Variants in KCNQ1 observed in about 807,000 individuals in gnomAD.
The protein encoded by KCNQ1 is potassium voltage-gated channel subfamily KQT member 1.
KCNQ1 carries 49 observed loss-of-function variants against 72.4 expected under a neutral mutation model. The ratio of observed to expected loss-of-function variants is 0.68; its 90% CI spans 0.54 to 0.86. The LOEUF (loss-of-function observed/expected upper bound fraction) is 0.86, where lower values mean the gene tolerates loss of function less well. Among genes scored for constraint, KCNQ1 ranks in the 40% least tolerant of loss-of-function variants. KCNQ1 has a pLI of 0.00. For missense variants in KCNQ1, 790 were observed against 945.1 expected (o/e 0.84, Z 2.15); for synonymous variants, 450 against 412.6 (o/e 1.09, Z -1.10).
chr11:2,628,919 G>T, intron 10 of KCNQ1: 1 of 398,216 alleles, frequency 2.5e-6, no homozygotes. Flanking sequence ...AAGATTAGTT[G>T]ACCATAAATG....
chr11:2,491,094 AC>A lies in KCNQ1; in HGVS notation c.387-36831del, dbSNP rs1319201751. On this transcript the variant is annotated intron_variant, in intron 1 of 15. Coordinates refer to ENST00000155840, the MANE Select transcript of KCNQ1 (RefSeq NM_000218.3). This position sits in a 1 kb window ranked among gnomAD's most constrained non-coding sequence, Gnocchi z 4.1. ...ATGCAGATACGGCTTAGATCACAACACCCAAGTCCCTTTGAATACCTGGAAA... is the reference window on the plus strand; with the variant it reads ...ATGCAGATACGGCTTAGATCACAACACCAAGTCCCTTTGAATACCTGGAAA... Among the ~76,000 whole-genome samples the A allele has an allele frequency of 2.0e-5, 3 of 152,210 alleles. No individual in the cohort carries two copies. Among genetic ancestry groups the A allele is most frequent in the Non-Finnish European group, 4.4e-5 (3 of 68,038 alleles).
In KCNQ1 at chr11:2,748,255, C is replaced by T. The variant is rs1336503722; in HGVS notation, c.1515-20589C>T. 6.6e-6 allele frequency among the ~76,000 whole-genome samples: 1 copy of T among 152,156 alleles called. No individual in the cohort carries two copies. Among genetic ancestry groups the T allele is most frequent in the Non-Finnish European group, 1.5e-5 (1 of 68,016 alleles). Reference sequence around the variant, plus strand: ...GGGCGAGGGAGAAGCAAGTTCCCCTCAGGAATGCTGGTGAAGCTGGCATGC... The same window carrying T: ...GGGCGAGGGAGAAGCAAGTTCCCCTTAGGAATGCTGGTGAAGCTGGCATGC... On this transcript the variant is annotated intron_variant, in intron 11 of 15. Coordinates refer to ENST00000155840, the MANE Select transcript of KCNQ1 (RefSeq NM_000218.3). This position sits in a 1 kb window ranked among gnomAD's most constrained non-coding sequence, Gnocchi z 6.2.
intron 2 of KCNQ1, among the ~76,000 whole-genome samples, chr11:2,568,423 G>A (rs1848277948): frequency 6.6e-6 from 1 of 152,220 alleles, no homozygotes; most frequent in Admixed American, 6.5e-5. Flanking sequence ...AGTCGGGTGA[G>A]CCGGCCTCTG....
chr11:2,778,056 C>T lies in KCNQ1; in HGVS notation c.1794+19C>T. 6.2e-7 allele frequency: 1 copy of T among 1,612,698 alleles called. No individual in the cohort carries two copies. ...AGACAAGGTAGGCTCACGCGCCGGCCTGCGGTGGTTCTGGTTAGCGTCCTG... is the reference window on the plus strand; with the variant it reads ...AGACAAGGTAGGCTCACGCGCCGGCTTGCGGTGGTTCTGGTTAGCGTCCTG... On this transcript the variant is annotated intron_variant, in intron 15 of 15. Transcript: ENST00000155840.
rs183043842 is a variant in KCNQ1, at chr11:2,752,543, C to G, written c.1515-16301C>G. On this transcript the variant is annotated intron_variant, in intron 11 of 15. Transcript: ENST00000155840. This position sits in a 1 kb window ranked among gnomAD's most constrained non-coding sequence, Gnocchi z 5.2. Reference sequence around the variant, plus strand: ...GCACAGGGTCAGGGCGCCAGCAGATCTGGTGTCTGGTAAGGGGTCTGTCTG... The same window carrying G: ...GCACAGGGTCAGGGCGCCAGCAGATGTGGTGTCTGGTAAGGGGTCTGTCTG... 2.5e-3 allele frequency among the ~76,000 whole-genome samples: 376 copies of G among 152,222 alleles called. No homozygotes were observed. The highest frequency in any genetic ancestry group is 0.017 in the Middle Eastern group (5 of 294).
chr11:2,541,770 C>A lies in KCNQ1; in HGVS notation c.477+13752C>A, dbSNP rs567462125. Among the ~76,000 whole-genome samples the A allele has an allele frequency of 6.6e-6, 1 of 151,200 alleles. No homozygotes were observed. Among genetic ancestry groups the A allele is most frequent in the Non-Finnish European group, 1.5e-5 (1 of 67,912 alleles). On this transcript the variant is annotated intron_variant, in intron 2 of 15. Transcript: ENST00000155840. This position sits in a 1 kb window ranked among gnomAD's most constrained non-coding sequence, Gnocchi z 4.8. Reference sequence around the variant, plus strand: ...TAGGAGTTCTAGAACCTTTGGAAAACCCCCTCTCATCCCGGGAGTTTGTAA... The same window carrying A: ...TAGGAGTTCTAGAACCTTTGGAAAAACCCCTCTCATCCCGGGAGTTTGTAA...
In KCNQ1 at chr11:2,674,672, GA is replaced by G. The variant is rs1047050671; in HGVS notation, c.1514+12595del. 1.5e-5 allele frequency: 6 copies of G among 398,350 alleles called. No homozygotes were observed. The highest frequency in any genetic ancestry group is 1.2e-4 in the African/African-American group (6 of 48,564). 24.7% of individuals were successfully genotyped at this position (398,350 alleles called of 1,614,324 possible). A position where few individuals can be genotyped will look rare whatever the true frequency, so the allele number is the denominator to read the frequency against. The stretch of plus-strand genomic sequence containing the variant: ...GCCAGAACTTTTTGCAAAATAATTT[GA>G]AAAGTTTGTTGAACCTTAAACCTTT... On this transcript the variant is annotated intron_variant, in intron 11 of 15. Transcript: ENST00000155840. The surrounding 1 kb of genome is among the most constrained non-coding windows in gnomAD (Gnocchi z 5.9).
At chr11:2,643,442 C>G (rs1049196526) in intron 10 of KCNQ1, 2 of 398,148 alleles carry the variant, frequency 5.0e-6, no homozygotes, top group East Asian at 7.1e-5. Flanking sequence ...TTTAGCTTAA[C>G]CTTTGTTTTA....
rs1179927269 is a variant in KCNQ1 at position 2,563,666 on chromosome 11, G to GC, written c.478-6956dup. 6.6e-6 allele frequency among the ~76,000 whole-genome samples: 1 copy of GC among 152,294 alleles called. No individual in the cohort carries two copies. The highest frequency in any genetic ancestry group is 1.9e-4 in the East Asian group (1 of 5,184). ...TTAGGGTGTCCCGTTGGCATCCAGG[G>GC]CCCCCCGTGAAGGATGGCACCGAGC... On this transcript the variant is annotated intron_variant, in intron 2 of 15. Transcript: ENST00000155840. This position sits in a 1 kb window ranked among gnomAD's most constrained non-coding sequence, Gnocchi z 7.4.
chr11:2,773,192 C>T (rs1424535038), intron 12 of KCNQ1, among the ~76,000 whole-genome samples: 7 of 152,022 alleles, frequency 4.6e-5, no homozygotes, highest in Non-Finnish European at 8.8e-5. Context: ...AACAACCCGT[C>T]CTACAGAAAG....
chr11:2,550,699 G>A lies in KCNQ1; in HGVS notation c.478-19929G>A, dbSNP rs938963144. Among the ~76,000 whole-genome samples the A allele has an allele frequency of 7.2e-5, 11 of 152,190 alleles. No individual in the cohort carries two copies. Among genetic ancestry groups the A allele is most frequent in the Non-Finnish European group, 1.2e-4 (8 of 68,026 alleles). On this transcript the variant is annotated intron_variant, in intron 2 of 15. Coordinates refer to ENST00000155840, the MANE Select transcript of KCNQ1 (RefSeq NM_000218.3). The surrounding 1 kb of genome is among the most constrained non-coding windows in gnomAD (Gnocchi z 6.0). ...TGGTGTCCCGGCTGATGTAGGGTCA[G>A]GGGCTTCTGGAAGGAGCCTCACAGG...
intron 2 of KCNQ1, among the ~76,000 whole-genome samples, chr11:2,569,209 C>G (rs1188057740): frequency 2.0e-5 from 3 of 152,336 alleles, no homozygotes; most frequent in Admixed American, 2.0e-4. Context: ...CCTTACACCC[C>G]TGCCATCTCC....
At chr11:2,697,838 T>C (rs1463545307) in intron 11 of KCNQ1, 4 of 398,678 alleles carry the variant, frequency 1.0e-5, no homozygotes, top group Admixed American at 4.4e-5. Context: ...TTGTGCTTTC[T>C]ATCTGAATTT....
intron 10 of KCNQ1, chr11:2,641,630 T>G (rs1849578473): frequency 5.0e-6 from 2 of 398,350 alleles, no homozygotes; most frequent in Non-Finnish European, 8.9e-6. Context: ...TGTACAAGCT[T>G]TATCATTTAA....
chr11:2,838,724 C>T (rs947257350), intron 15 of KCNQ1, among the ~76,000 whole-genome samples: 1 of 152,136 alleles, frequency 6.6e-6, no homozygotes, highest in Non-Finnish European at 1.5e-5. Context: ...CCCTGGCTTC[C>T]CCTGCCCACC....
chr11:2,500,929 G>A (rs185704438), intron 1 of KCNQ1, among the ~76,000 whole-genome samples: 462 of 152,146 alleles, frequency 3.0e-3, no homozygotes, highest in African/African-American at 0.011. Context: ...TGTAGATGAC[G>A]GGTTGATGGG....
chr11:2,562,399 C>T lies in KCNQ1; in HGVS notation c.478-8229C>T, dbSNP rs547173469. 1.5e-3 allele frequency among the ~76,000 whole-genome samples: 236 copies of T among 152,266 alleles called. 1 individual carries two copies. Among genetic ancestry groups the T allele is most frequent in the Non-Finnish European group, 2.9e-3 (200 of 68,004 alleles). On this transcript the variant is annotated intron_variant, in intron 2 of 15. Transcript: ENST00000155840. The surrounding 1 kb of genome is among the most constrained non-coding windows in gnomAD (Gnocchi z 7.5). The stretch of plus-strand genomic sequence containing the variant: ...TGCCCTCCGGCCAGCTGACCCTCCC[C>T]GGAGCCGAGGCTGGCTCTCTCTGTG...
chr11:2,448,058 G>A (rs150975238), intron 1 of KCNQ1, among the ~76,000 whole-genome samples: 45 of 152,322 alleles, frequency 3.0e-4, no homozygotes, highest in Middle Eastern at 3.4e-3. Context: ...GGTTGCTTGC[G>A]CCCCCACTGG....
chr11:2,733,814 A>ACACACACACACACACTCTCT, intron 11 of KCNQ1, among the ~76,000 whole-genome samples: 31 of 86,632 alleles, frequency 3.6e-4, no homozygotes, highest in Admixed American at 1.2e-3. Context: ...ACACACACAC[A>ACACACACACACACACTCTCT]CTCTCTCACT....
Sources: gnomAD v4.1 joint callset for allele counts (sites outside exome capture counted in the v4.1 genomes callset) on GRCh38, gnomAD v4.1.1 for gene constraint, Gnocchi (gnomAD v3.1) non-coding constraint, MANE v1.5 for transcripts, NCBI Gene and HGNC (gene_info 2026-07-23, HGNC 2026-07-21) for gene names.